The following DOCK3 variants were observed in gnomAD, a reference collection of about 807,000 sequenced individuals.
DOCK3 encodes dedicator of cytokinesis 3.
In DOCK3, 60 loss-of-function variants were observed where a neutral mutation model predicts 265.6. That is an observed-to-expected ratio of 0.23 (90% confidence interval 0.18 to 0.28). The LOEUF is 0.28. DOCK3 is among the 10% of genes least tolerant of loss of function. The pLI is 1.00. For missense variants in DOCK3, 1,981 were observed against 2,594.3 expected, an observed-to-expected ratio of 0.76 and a Z score of 5.14; for synonymous variants, 881 against 938.0, an observed-to-expected ratio of 0.94 and a Z score of 1.11.
intron 3 of DOCK3, among the ~76,000 whole-genome samples, chr3:50,886,329 GT>G (rs1213031501): frequency 1.3e-5 from 2 of 151,346 alleles, no homozygotes; most frequent in South Asian, 2.1e-4. Flanking sequence ...ACTATCAATT[GT>G]TTTTTTAAAA....
chr3:51,351,006 C>G (rs890047895), intron 40 of DOCK3, among the ~76,000 whole-genome samples: 1 of 152,180 alleles, frequency 6.6e-6, no homozygotes, highest in Admixed American at 6.5e-5. Flanking sequence ...CCCTACCGTT[C>G]CCTGGCAGGC....
intron 10 of DOCK3, among the ~76,000 whole-genome samples, chr3:51,150,502 C>A (rs886783905): frequency 6.6e-6 from 1 of 152,208 alleles, no homozygotes; most frequent in Non-Finnish European, 1.5e-5. Flanking sequence ...CTACACACTG[C>A]TTTGAATGTG....
chr3:51,214,370 C>T, intron 14 of DOCK3, 123 bp downstream of exon 14: 1 of 1,376,126 alleles, frequency 7.3e-7, no homozygotes, highest in Non-Finnish European at 9.7e-7. Context: ...TCTCCCACAT[C>T]CCAAGTCAGG....
rs373038355 is a variant in DOCK3 at position 51,360,507 on chromosome 3, A to G, written c.4885-4A>G. ...TCTATGAAGGGGCATTCATTTCTCAACAGGAGTTTCCAGGTTTGGATAAGC... is the reference window on the plus strand; with the variant it reads ...TCTATGAAGGGGCATTCATTTCTCAGCAGGAGTTTCCAGGTTTGGATAAGC... On this transcript the variant is annotated splice_polypyrimidine_tract_variant and splice_region_variant and intron_variant, in intron 46 of 52. Transcript: ENST00000266037. 7 of 1,608,498 alleles carry G rather than the reference A, an allele frequency of 4.4e-6. No individual in the cohort carries two copies. Among genetic ancestry groups the G allele is most frequent in the African/African-American group, 2.7e-5 (2 of 74,794 alleles).
At chr3:50,879,949 A>G (rs2047938023) in intron 3 of DOCK3, among the ~76,000 whole-genome samples, 1 of 152,238 alleles carries the variant, frequency 6.6e-6, no homozygotes, top group South Asian at 2.1e-4. Context: ...CCACAGTGCA[A>G]TCAAACTAGA....
Position 50,747,576 on chromosome 3 carries a change from T to C in DOCK3, c.38-31099T>C, listed in dbSNP as rs1021514686. Among the ~76,000 whole-genome samples the C allele has an allele frequency of 4.6e-5, 7 of 152,206 alleles. No individual in the cohort carries two copies. The South Asian group carries it at 1.5e-3, about 32-fold the overall frequency. The stretch of plus-strand genomic sequence containing the variant: ...TTAAATGGTATTGTTTAAATGGTAT[T>C]GTTCTGGCTGGGCGTGGTGGCTCAT... On this transcript the variant is annotated intron_variant, in intron 1 of 52. Coordinates refer to ENST00000266037, the MANE Select transcript of DOCK3 (RefSeq NM_004947.5).
chr3:50,897,001 G>GT (rs2048926354), intron 4 of DOCK3, among the ~76,000 whole-genome samples: 1 of 152,110 alleles, frequency 6.6e-6, no homozygotes, highest in Non-Finnish European at 1.5e-5. Flanking sequence ...ATTTAAAGTA[G>GT]TTTTTTTCTA....
At chr3:51,017,674 CTGT>C (rs2079408076) in intron 5 of DOCK3, among the ~76,000 whole-genome samples, 1 of 151,656 alleles carries the variant, frequency 6.6e-6, no homozygotes, top group South Asian at 2.1e-4. Flanking sequence ...TCCAAAATTC[CTGT>C]TGTTACTGAT....
intron 14 of DOCK3, among the ~76,000 whole-genome samples, chr3:51,221,958 G>A (rs933701495): frequency 5.9e-5 from 9 of 152,278 alleles, no homozygotes; most frequent in Non-Finnish European, 1.3e-4. Flanking sequence ...CCTCCCAGCA[G>A]ACCTCCATAT....
At chr3:50,785,494 C>G (rs2042134513) in intron 2 of DOCK3, among the ~76,000 whole-genome samples, 1 of 152,056 alleles carries the variant, frequency 6.6e-6, no homozygotes, top group Non-Finnish European at 1.5e-5. Flanking sequence ...CCCTTCTATG[C>G]CAATTTTGCT....
intron 12 of DOCK3, among the ~76,000 whole-genome samples, chr3:51,187,141 T>C (rs1356709223): frequency 1.3e-5 from 2 of 152,234 alleles, no homozygotes; most frequent in African/African-American, 2.4e-5. Context: ...AGAGGGGCTA[T>C]ACCCTGCAAA....
At chr3:50,688,087 C>T (rs2034959585) in intron 1 of DOCK3, among the ~76,000 whole-genome samples, 1 of 152,172 alleles carries the variant, frequency 6.6e-6, no homozygotes, top group African/African-American at 2.4e-5. Flanking sequence ...TTTTGAACTG[C>T]AGCCTCTCCT....
chr3:51,345,681 C>A lies in DOCK3; in HGVS notation c.3916-3171C>A, dbSNP rs368576228. 9.9e-5 allele frequency among the ~76,000 whole-genome samples: 15 copies of A among 152,168 alleles called. 1 individual carries two copies. Among genetic ancestry groups the A allele is most frequent in the Admixed American group, 3.3e-4 (5 of 15,282 alleles). On this transcript the variant is annotated intron_variant, in intron 38 of 52. Coordinates refer to ENST00000266037, the MANE Select transcript of DOCK3 (RefSeq NM_004947.5). ...TGCACACACACAACAACAACAAAAA[C>A]CTCTTTGGTTTGTTTTAGTCTTTTT...
At chr3:51,084,373 T>C (rs539384329) in intron 7 of DOCK3, among the ~76,000 whole-genome samples, 2 of 152,218 alleles carry the variant, frequency 1.3e-5, no homozygotes, top group African/African-American at 2.4e-5. Flanking sequence ...TCCACCAGAC[T>C]AATAGCACAT....
chr3:50,683,655 G>T (rs896460183), intron 1 of DOCK3, among the ~76,000 whole-genome samples: 1 of 152,176 alleles, frequency 6.6e-6, no homozygotes, highest in Admixed American at 6.5e-5. Context: ...GAAAGATGCT[G>T]CTAAAAAGTC....
intron 14 of DOCK3, among the ~76,000 whole-genome samples, chr3:51,224,204 T>C (rs2108337672): frequency 6.6e-6 from 1 of 152,354 alleles, no homozygotes; most frequent in East Asian, 1.9e-4. Flanking sequence ...GAATAGTTAA[T>C]TGCTTGTCAT....
At chr3:50,841,762 C>T in intron 3 of DOCK3, 47 bp downstream of exon 3, 1 of 171,796 alleles carries the variant, frequency 5.8e-6, no homozygotes, top group East Asian at 6.5e-5. Context: ...GAAGGAACTA[C>T]CTTGTATGTT....
At chr3:50,719,749 A>G (rs2037357339) in intron 1 of DOCK3, 5 of 1,169,890 alleles carry the variant, frequency 4.3e-6, no homozygotes, top group Non-Finnish European at 3.9e-6. Context: ...CTATAGATGG[A>G]CTTGCCACCA....
intron 22 of DOCK3, among the ~76,000 whole-genome samples, chr3:51,248,520 A>G (rs2078951508): frequency 6.6e-6 from 1 of 152,174 alleles, no homozygotes; most frequent in Admixed American, 6.5e-5. Context: ...GCTGGAGTGC[A>G]GTGGCGTGAT....
Sources: gnomAD v4.1 joint callset for allele counts (sites outside exome capture counted in the v4.1 genomes callset) on GRCh38, gnomAD v4.1.1 for gene constraint, MANE v1.5 for transcripts, NCBI Gene and HGNC (gene_info 2026-07-23, HGNC 2026-07-21) for gene names.